DPYSL3: variants seen among roughly 807,000 people sequenced by gnomAD.
The protein encoded by DPYSL3 is dihydropyrimidinase-related protein 3.
Under a neutral mutation model 66.1 loss-of-function variants are expected in DPYSL3, and 16 were observed. That is an observed-to-expected ratio of 0.24 (90% CI 0.16 to 0.37). The LOEUF (loss-of-function observed/expected upper bound fraction) is 0.37. Ranked by LOEUF, DPYSL3 falls within the 10% of genes least tolerant of loss-of-function variation. The pLI is 1.00. For synonymous variants in DPYSL3, 338 were observed against 345.1 expected, an observed-to-expected ratio of 0.98 and a Z score of 0.23; for missense variants, 738 against 916.2, an observed-to-expected ratio of 0.81 and a Z score of 2.51.
intron 1 of DPYSL3, among the ~76,000 whole-genome samples, chr5:147,488,930 G>A (rs994973333): frequency 3.3e-5 from 5 of 151,416 alleles, no homozygotes; most frequent in African/African-American, 7.3e-5. Context: ...CAGGAGAACC[G>A]CTTGAACCCA....
chr5:147,420,506 A>G (rs1187483028), intron 2 of DPYSL3, among the ~76,000 whole-genome samples: 2 of 152,198 alleles, frequency 1.3e-5, no homozygotes, highest in Non-Finnish European at 2.9e-5. Context: ...GGAAGACAGC[A>G]TGATGATTTG....
At chr5:147,447,619 C>T (rs1052369816) in intron 1 of DPYSL3, among the ~76,000 whole-genome samples, 1 of 152,086 alleles carries the variant, frequency 6.6e-6, no homozygotes, top group African/African-American at 2.4e-5. Flanking sequence ...GCCTGTAATC[C>T]CAGCACTTTG....
intron 1 of DPYSL3, among the ~76,000 whole-genome samples, chr5:147,476,639 G>T (rs1753159508): frequency 6.6e-6 from 1 of 152,152 alleles, no homozygotes; most frequent in Non-Finnish European, 1.5e-5. Context: ...AGTGAAAAAT[G>T]CAAACTGGTG....
chr5:147,472,896 C>T (rs1303721722), intron 1 of DPYSL3: 1 of 152,120 alleles, frequency 6.6e-6, no homozygotes, highest in Admixed American at 6.6e-5. Context: ...AATAACAACG[C>T]AAAATGAAAT....
At chr5:147,454,771 C>T (rs866014752) in intron 1 of DPYSL3, among the ~76,000 whole-genome samples, 1 of 152,160 alleles carries the variant, frequency 6.6e-6, no homozygotes, top group African/African-American at 2.4e-5. Flanking sequence ...CAAGCAAAAC[C>T]ATGGCCCTTC....
intron 1 of DPYSL3, among the ~76,000 whole-genome samples, chr5:147,481,796 A>C (rs549792705): frequency 2.6e-5 from 4 of 152,298 alleles, no homozygotes; most frequent in South Asian, 4.1e-4. Context: ...GCCTTGCTAG[A>C]TGCCAGCACC....
intron 1 of DPYSL3, among the ~76,000 whole-genome samples, chr5:147,496,402 A>T (rs1189040233): frequency 3.3e-5 from 5 of 152,198 alleles, no homozygotes; most frequent in Admixed American, 3.3e-4. Context: ...GACAAATGGG[A>T]TCTAATTAAA....
intron 12 of DPYSL3, 60 bp downstream of exon 12, chr5:147,397,606 C>CT: frequency 6.4e-7 from 1 of 1,550,572 alleles, no homozygotes; most frequent in Non-Finnish European, 8.8e-7. Flanking sequence ...TGGTTACTAT[C>CT]TCTGAGCGTG....
chr5:147,415,206 A>G (rs896825758), intron 4 of DPYSL3, among the ~76,000 whole-genome samples: 1 of 152,164 alleles, frequency 6.6e-6, no homozygotes, highest in Non-Finnish European at 1.5e-5. Flanking sequence ...CCTGAGTACC[A>G]ATACATCCTT....
rs1023075614 is a variant in DPYSL3, at chr5:147,442,843, TC to T, written c.382-17881del. 4.3e-4 allele frequency among the ~76,000 whole-genome samples: 41 copies of T among 96,036 alleles called. 1 individual carries two copies. The highest frequency in any genetic ancestry group is 3.3e-3 in the Admixed American group (34 of 10,262). The allele number at this position is 96,036 out of a possible 152,430, so 63.0% of individuals were successfully genotyped here. A position where few individuals can be genotyped will look rare whatever the true frequency, so the allele number is the denominator to read the frequency against. On this transcript the variant is annotated intron_variant, in intron 1 of 13. Transcript: ENST00000343218. ...TCATTTTAATAAATGGCAAATATAGTCAAAAAAAAAAATCTAGATGGGTATA... is the reference window on the plus strand; with the variant it reads ...TCATTTTAATAAATGGCAAATATAGTAAAAAAAAAAATCTAGATGGGTATA...
intron 1 of DPYSL3, among the ~76,000 whole-genome samples, chr5:147,501,785 G>A (rs1351481367): frequency 1.3e-5 from 2 of 151,930 alleles, no homozygotes; most frequent in Non-Finnish European, 1.5e-5. Context: ...AGCCAATGAT[G>A]TGTCGATGTA....
At chr5:147,483,355 C>T (rs976803720) in intron 1 of DPYSL3, among the ~76,000 whole-genome samples, 2 of 152,214 alleles carry the variant, frequency 1.3e-5, no homozygotes, top group Non-Finnish European at 1.5e-5. Flanking sequence ...CCTGGCCAGA[C>T]ATGACAATGG....
intron 6 of DPYSL3, among the ~76,000 whole-genome samples, chr5:147,410,807 T>G (rs1751836281): frequency 6.6e-6 from 1 of 152,186 alleles, no homozygotes; most frequent in Admixed American, 6.5e-5. Context: ...TTAAACAATG[T>G]GATAAAAATC....
intron 11 of DPYSL3, among the ~76,000 whole-genome samples, chr5:147,398,804 G>A (rs921595898): frequency 3.3e-5 from 5 of 152,174 alleles, no homozygotes; most frequent in Non-Finnish European, 7.3e-5. Context: ...CATTCACCAG[G>A]TCATGTTCCC....
chr5:147,472,613 A>G (rs752386256), intron 1 of DPYSL3: 3 of 152,152 alleles, frequency 2.0e-5, no homozygotes, highest in Admixed American at 1.3e-4. Flanking sequence ...TCCAGGGCTG[A>G]TATCTGCTCA....
chr5:147,487,035 G>A (rs1753344849), intron 1 of DPYSL3, among the ~76,000 whole-genome samples: 1 of 152,032 alleles, frequency 6.6e-6, no homozygotes, highest in African/African-American at 2.4e-5. Flanking sequence ...TATTAACTCC[G>A]AGAGGCCTTC....
At chr5:147,407,752 C>T (rs545033517) in intron 7 of DPYSL3, among the ~76,000 whole-genome samples, 1 of 152,190 alleles carries the variant, frequency 6.6e-6, no homozygotes, top group East Asian at 1.9e-4. Flanking sequence ...CTGTATGTGA[C>T]TGGAACCCTA....
At chr5:147,486,484 A>G (rs1275829009) in intron 1 of DPYSL3, among the ~76,000 whole-genome samples, 1 of 152,226 alleles carries the variant, frequency 6.6e-6, no homozygotes, top group South Asian at 2.1e-4. Context: ...GTTTCTATCT[A>G]TAGTCTAGTT....
At chr5:147,429,314 G>C (rs936253496) in intron 1 of DPYSL3, among the ~76,000 whole-genome samples, 8 of 152,180 alleles carry the variant, frequency 5.3e-5, no homozygotes, top group Non-Finnish European at 2.9e-5. Flanking sequence ...CAGCTGGCAA[G>C]TTTGGGTCCA....
Sources: allele counts gnomAD v4.1 joint callset (sites outside exome capture counted in the v4.1 genomes callset), GRCh38; gene constraint gnomAD v4.1.1; transcripts MANE v1.5; gene names NCBI Gene and HGNC (gene_info 2026-07-23, HGNC 2026-07-21).